LECT2: variants seen among roughly 807,000 people sequenced by gnomAD.
The protein encoded by LECT2 is leukocyte cell derived chemotaxin 2.
A neutral mutation model predicts 16.6 loss-of-function variants in LECT2; 11 were observed. The observed-to-expected ratio is 0.66, with a 90% CI of 0.42 to 1.09. LECT2 has a LOEUF of 1.09. Among genes scored for constraint, LECT2 ranks in the 50% least tolerant of loss-of-function variants. The probability of loss-of-function intolerance (pLI) is 0.00; values close to 1 mark genes in which losing one functional copy is unlikely to be tolerated. For synonymous variants in LECT2, 54 were observed against 64.8 expected (o/e 0.83, Z 0.80); for missense variants, 173 against 184.2 (o/e 0.94, Z 0.35).
In LECT2 at chr5:135,947,336, G is replaced by T; in HGVS notation, c.451C>A (p.Leu151Met). 2 of 1,613,316 alleles carry T rather than the reference G, an allele frequency of 1.2e-6. No homozygotes were observed. The highest frequency in any genetic ancestry group is 4.5e-5 in the East Asian group (2 of 44,866). Residue 151 changes from leucine (L) to methionine (M), a missense_variant, in exon 4 of 4, where the codon CTG becomes ATG. By Grantham distance (15) the Leu-to-Met change is conservative. Transcript: ENST00000274507. ...TCTGACCATTGGCCTTCGATTTACA[G>T]GTATGCAGTAGGGTCACTCGAGTCA... ...NCDSSDPTAY[L>M]
intron 3 of LECT2, among the ~76,000 whole-genome samples, chr5:135,948,652 T>C (rs1355091600): frequency 1.4e-5 from 2 of 140,512 alleles, no homozygotes; most frequent in Non-Finnish European, 1.5e-5. Flanking sequence ...TACTAGAAAA[T>C]TTAAAATAAT....
intron 3 of LECT2, 138 bp downstream of exon 3, chr5:135,951,085 G>A (rs1763786432): frequency 1.2e-6 from 1 of 859,244 alleles, no homozygotes. Flanking sequence ...GCTAGTTTGG[G>A]TACACTCTAT....
chr5:135,953,648 T>G (rs1361778093), intron 1 of LECT2, among the ~76,000 whole-genome samples: 3 of 152,204 alleles, frequency 2.0e-5, no homozygotes, highest in African/African-American at 7.2e-5. Context: ...AATAATAAAA[T>G]AGCATGGCTC....
Position 135,947,500 on chromosome 5 carries a change from A to T in LECT2, c.290-3T>A. The T allele has an allele frequency of 6.3e-7, 1 of 1,596,394 alleles. No individual in the cohort carries two copies. The highest frequency in any genetic ancestry group is 2.2e-5 in the East Asian group (1 of 44,724). On this transcript the variant is annotated splice_region_variant and splice_polypyrimidine_tract_variant and intron_variant, in intron 3 of 3. Coordinates refer to ENST00000274507, the MANE Select transcript of LECT2 (RefSeq NM_002302.3). ...GTAGAACATTTTGACACAAAAACCT[A>T]AAAGAAAATAAGTATAATTATTTAT...
chr5:135,952,909 C>T lies in LECT2; in HGVS notation c.105G>A (p.Thr35=), dbSNP rs762896493. 2.5e-5 allele frequency: 40 copies of T among 1,614,154 alleles called. No homozygotes were observed. The South Asian group carries it at 4.1e-4, about 16-fold the overall frequency. The change falls in exon 2 of 4, where the codon ACG becomes ACA. Residue 35 remains threonine, a synonymous_variant. Transcript: ENST00000274507. ...ACTGTCCACAGCCATGGCGGTCACACGTCCGGATCTCATTGGAAGACTTGC... is the reference window on the plus strand; with the variant it reads ...ACTGTCCACAGCCATGGCGGTCACATGTCCGGATCTCATTGGAAGACTTGC... The part of the protein sequence containing the change: ...CAGKSSNEIR[T]CDRHGCGQYS...
Position 135,951,309 on chromosome 5 carries a change from G to A in LECT2, c.203C>T (p.Ala68Val), listed in dbSNP as rs756452507. The change falls in exon 3 of 4, where the codon GCA becomes GTA. Residue 68 changes from alanine (A) to valine (V), a missense_variant. Physicochemically the swap from Ala to Val is moderately conservative, Grantham distance 64. Coordinates refer to ENST00000274507, the MANE Select transcript of LECT2 (RefSeq NM_002302.3). ...ILCSAGSTVY[A>V]PFTGMIVGQE... ...GCCCACAATCATTCCAGTGAATGGT[G>A]CGTACACAGTAGATCCAGCAGAGCA... The A allele has an allele frequency of 1.2e-6, 2 of 1,613,764 alleles. No homozygotes were observed. Among genetic ancestry groups the A allele is most frequent in the Non-Finnish European group, 1.7e-6 (2 of 1,179,662 alleles).
At position 135,954,811 on chromosome 5, in the gene LECT2, A is replaced by G; in HGVS notation, c.23T>C (p.Leu8Pro). 2 of 1,613,472 alleles carry G rather than the reference A, an allele frequency of 1.2e-6. No homozygotes were observed. Among genetic ancestry groups the G allele is most frequent in the Non-Finnish European group, 1.7e-6 (2 of 1,179,416 alleles). The change falls in exon 1 of 4, where the codon CTT (leucine) becomes CCT (proline). Residue 8 changes from leucine to proline, a missense_variant. Leu to Pro is a moderately conservative substitution (Grantham distance 98). Transcript: ENST00000274507. MFSTKAL[L>P]LAGLISTALA... The stretch of plus-strand genomic sequence containing the variant: ...ACCGGTAGAAATCAGACCAGCCAAA[A>G]GGAGGGCTTTGGTGGAAAACATCTG...
Position 135,951,388 on chromosome 5 carries a change from G to A in LECT2, c.144-20C>T. ...TGACTTCTAGGATGTAAATAAGAAC[G>A]AACAGACTGAGGAACTGCCTTAGGG... On this transcript the variant is annotated intron_variant, in intron 2 of 3. Coordinates refer to ENST00000274507, the MANE Select transcript of LECT2 (RefSeq NM_002302.3). The A allele has an allele frequency of 1.2e-6, 2 of 1,609,070 alleles. No individual in the cohort carries two copies. The highest frequency in any genetic ancestry group is 1.7e-4 in the Middle Eastern group (1 of 6,040).
chr5:135,947,298 T>C lies in LECT2; in HGVS notation c.*33A>G, dbSNP rs1363487310. The C allele has an allele frequency of 1.3e-6, 2 of 1,597,014 alleles. No homozygotes were observed. The highest frequency in any genetic ancestry group is 2.2e-5 in the South Asian group (2 of 89,082). On this transcript the variant is annotated 3_prime_UTR_variant, in exon 4 of 4. Transcript: ENST00000274507. ...TGCATCCAGGTTTTTAAGATGACTT[T>C]TTATTTTGAAGATCTGACCATTGGC... is the stretch of plus-strand genomic sequence containing the variant.
At position 135,947,491 on chromosome 5, in the gene LECT2, C is replaced by T. The variant is rs572145296; in HGVS notation, c.296G>A (p.Cys99Tyr). 6.3e-7 allele frequency: 1 copy of T among 1,596,642 alleles called. No homozygotes were observed. The highest frequency in any genetic ancestry group is 8.5e-7 in the Non-Finnish European group (1 of 1,170,794). The change falls in exon 4 of 4, where the codon TGT (cysteine) becomes TAT (tyrosine). Residue 99 changes from cysteine to tyrosine, a missense_variant. Cys to Tyr is a radical substitution (Grantham distance 194, BLOSUM62 -2). Coordinates refer to ENST00000274507, the MANE Select transcript of LECT2 (RefSeq NM_002302.3). ...NGVRISGRGF[C>Y]VKMFYIKPIK... ...TGGCTTAATGTAGAACATTTTGACA[C>T]AAAAACCTAAAAGAAAATAAGTATA...
At chr5:135,954,415 A>C (rs1763833045) in intron 1 of LECT2, among the ~76,000 whole-genome samples, 2 of 152,196 alleles carry the variant, frequency 1.3e-5, no homozygotes, top group South Asian at 4.1e-4. Context: ...CTTTGTCTTA[A>C]TCCATACCAG....
chr5:135,953,206 A>AT (rs61541305), intron 1 of LECT2: 33,468 of 317,006 alleles, frequency 0.11, 6 homozygotes, highest in South Asian at 0.16. Flanking sequence ...AGTGAATACA[A>AT]TTTTTTTTTT....
intron 1 of LECT2, among the ~76,000 whole-genome samples, chr5:135,953,609 T>C (rs1763824887): frequency 6.6e-6 from 1 of 152,220 alleles, no homozygotes; most frequent in South Asian, 2.1e-4. Context: ...TTATCTGCCA[T>C]GGGGATCATT....
chr5:135,951,371 A>G lies in LECT2; in HGVS notation c.144-3T>C. On this transcript the variant is annotated splice_polypyrimidine_tract_variant and splice_region_variant and intron_variant, in intron 2 of 3. Transcript: ENST00000274507. Reference sequence around the variant, plus strand: ...CACCCTGGTGAGGCCTCTGACTTCTAGGATGTAAATAAGAACGAACAGACT... The same window carrying G: ...CACCCTGGTGAGGCCTCTGACTTCTGGGATGTAAATAAGAACGAACAGACT... The G allele has an allele frequency of 6.2e-7, 1 of 1,612,808 alleles. No individual in the cohort carries two copies. The highest frequency in any genetic ancestry group is 1.1e-5 in the South Asian group (1 of 90,736).
At position 135,953,175 on chromosome 5, in the gene LECT2, G is replaced by T. The variant is rs147570962; in HGVS notation, c.47-208C>A. The T allele has an allele frequency of 2.6e-3, 1,381 of 532,896 alleles. 4 individuals carry two copies. Among genetic ancestry groups the T allele is most frequent in the Non-Finnish European group, 3.9e-3 (1,164 of 298,594 alleles). 33.0% of individuals were successfully genotyped at this position (532,896 alleles called of 1,614,324 possible). A position where few individuals can be genotyped will look rare whatever the true frequency, so the allele number is the denominator to read the frequency against. On this transcript the variant is annotated intron_variant, in intron 1 of 3. Coordinates refer to ENST00000274507, the MANE Select transcript of LECT2 (RefSeq NM_002302.3). ...GCTTTTTCCCTGGCCACAGAATTCTGCTTTGTGACGTTAGAGTATCAGTGA... is the reference window on the plus strand; with the variant it reads ...GCTTTTTCCCTGGCCACAGAATTCTTCTTTGTGACGTTAGAGTATCAGTGA...
In LECT2 at chr5:135,952,987, G is replaced by T. The variant is rs201813789; in HGVS notation, c.47-20C>A. 6.5e-7 allele frequency: 1 copy of T among 1,542,854 alleles called. No individual in the cohort carries two copies. ...CCAGTGCTAAAAAGGAGAAAAGTGA[G>T]AGCAGAGCTCCTGGCCTCAGACATT... On this transcript the variant is annotated intron_variant, in intron 1 of 3. Transcript: ENST00000274507.
rs548869580 is a variant in LECT2 at position 135,947,214 on chromosome 5, G to A, written c.*117C>T. Reference sequence around the variant, plus strand: ...TAATAATCATGTCATGGAAAATGGGGTATCCATCCCTTCATGCATTTTTCC... The same window carrying A: ...TAATAATCATGTCATGGAAAATGGGATATCCATCCCTTCATGCATTTTTCC... On this transcript the variant is annotated 3_prime_UTR_variant, in exon 4 of 4. Coordinates refer to ENST00000274507, the MANE Select transcript of LECT2 (RefSeq NM_002302.3). 2.3e-6 allele frequency: 2 copies of A among 874,388 alleles called. No individual in the cohort carries two copies. The highest frequency in any genetic ancestry group is 3.6e-6 in the Non-Finnish European group (2 of 555,934). The allele number at this position is 874,388 out of a possible 1,614,324, so 54.2% of individuals were successfully genotyped here.
intron 2 of LECT2, 173 bp from the exon 3 acceptor site, chr5:135,951,541 C>G (rs1199307529): frequency 1.9e-6 from 1 of 536,486 alleles, no homozygotes; most frequent in Non-Finnish European, 3.3e-6. Flanking sequence ...TTTAACCTCC[C>G]TCCCCGCAGG....
At chr5:135,952,329 A>G (rs1307054117) in intron 2 of LECT2, among the ~76,000 whole-genome samples, 1 of 152,224 alleles carries the variant, frequency 6.6e-6, no homozygotes, top group Non-Finnish European at 1.5e-5. Context: ...GGTATAACTG[A>G]AAATTCACAA....
Sources: allele counts gnomAD v4.1 joint callset (sites outside exome capture counted in the v4.1 genomes callset), GRCh38; gene constraint gnomAD v4.1.1; transcripts MANE v1.5; gene names NCBI Gene and HGNC (gene_info 2026-07-23, HGNC 2026-07-21).